SCN11A: variants seen among roughly 807,000 people sequenced by gnomAD.
SCN11A encodes the protein sodium channel protein type 11 subunit alpha.
SCN11A carries 122 observed loss-of-function variants against 162.2 expected under a neutral mutation model. The observed-to-expected ratio is 0.75, with a 90% CI of 0.65 to 0.87. SCN11A has a LOEUF of 0.87. SCN11A is among the 40% of genes least tolerant of loss of function. SCN11A has a pLI of 0.00. For synonymous variants in SCN11A, 758 were observed against 751.5 expected, an observed-to-expected ratio of 1.01 and a Z score of -0.14; for missense variants, 2,015 against 2,181.6, an observed-to-expected ratio of 0.92 and a Z score of 1.52.
At chr3:39,050,434 T>G (rs1330132148) in intron 1 of SCN11A, among the ~76,000 whole-genome samples, 1 of 152,240 alleles carries the variant, frequency 6.6e-6, no homozygotes. Flanking sequence ...ATATATGATA[T>G]GCTAAATAAT....
At chr3:38,989,454 C>G (rs1237953336) in intron 2 of SCN11A, among the ~76,000 whole-genome samples, 1 of 152,204 alleles carries the variant, frequency 6.6e-6, no homozygotes. Context: ...GCTGGAACAG[C>G]TAGGTACAAC....
chr3:38,996,414 A>C (rs1330780856), intron 2 of SCN11A, among the ~76,000 whole-genome samples: 1 of 152,166 alleles, frequency 6.6e-6, no homozygotes, highest in Non-Finnish European at 1.5e-5. Context: ...TCATAACATC[A>C]ACCATCATTT....
rs114173127 is a variant in SCN11A, at chr3:38,861,824, C to T, written c.4056+1371G>A. On this transcript the variant is annotated intron_variant, in intron 28 of 29. Coordinates refer to ENST00000302328, the MANE Select transcript of SCN11A (RefSeq NM_001349253.2). ...TCAAGAAAACTCTTCCAGATATTGG[C>T]TTAGGCAAAGAATTCATGACCAAGA... Among the ~76,000 whole-genome samples the T allele has an allele frequency of 6.6e-3, 997 of 152,212 alleles. 10 individuals carry two copies. Among genetic ancestry groups the T allele is most frequent in the African/African-American group, 0.022 (931 of 41,540 alleles).
At chr3:38,929,109 C>T (rs1159605410) in intron 7 of SCN11A, among the ~76,000 whole-genome samples, 1 of 138,524 alleles carries the variant, frequency 7.2e-6, no homozygotes, top group Non-Finnish European at 1.6e-5. Flanking sequence ...TATTCCCACA[C>T]TGTCAAAAAT....
chr3:38,972,549 G>T (rs879400149), intron 2 of SCN11A, among the ~76,000 whole-genome samples: 2 of 152,078 alleles, frequency 1.3e-5, no homozygotes, highest in African/African-American at 2.4e-5. Context: ...AACTTGGATT[G>T]TGACTCTTTT....
intron 23 of SCN11A, among the ~76,000 whole-genome samples, chr3:38,876,029 C>A (rs938860826): frequency 2.2e-4 from 34 of 152,050 alleles, no homozygotes; most frequent in Admixed American, 2.2e-3. Flanking sequence ...ACCAATTGAA[C>A]AGAATAAAGA....
rs148945365 is a variant in SCN11A at position 38,867,453 on chromosome 3, T to C, written c.3819A>G (p.Glu1273=). ...AATTGCTCTCAAACTCTGGCTGTTGTTCTTTCTGTTAGAAATTTTTTTAAT... is the reference window on the plus strand; with the variant it reads ...AATTGCTCTCAAACTCTGGCTGTTGCTCTTTCTGTTAGAAATTTTTTTAAT... The part of the protein sequence containing the change: ...IYAAVDSTEK[E]QQPEFESNSL... Residue 1273 remains glutamate (E), a synonymous_variant, in exon 27 of 30, where the codon GAA becomes GAG. Transcript: ENST00000302328. 9.4e-3 allele frequency: 15,023 copies of C among 1,591,266 alleles called. 96 individuals carry two copies. The highest frequency in any genetic ancestry group is 0.011 in the Non-Finnish European group (13,235 of 1,173,500).
chr3:38,904,702 C>T (rs1450051446), intron 15 of SCN11A, among the ~76,000 whole-genome samples: 2 of 152,102 alleles, frequency 1.3e-5, no homozygotes, highest in Non-Finnish European at 2.9e-5. Flanking sequence ...GAACACCAAC[C>T]CCTGGGGTGG....
intron 2 of SCN11A, among the ~76,000 whole-genome samples, chr3:39,027,215 TGGG>T (rs924217826): frequency 6.6e-6 from 1 of 152,160 alleles, no homozygotes; most frequent in Non-Finnish European, 1.5e-5. Context: ...TACCTTGGCA[TGGG>T]GGATTTTCCT....
chr3:38,950,414 G>C (rs1264012643), intron 4 of SCN11A, 45 bp from the exon 5 acceptor site: 2 of 1,596,958 alleles, frequency 1.3e-6, no homozygotes, highest in African/African-American at 2.7e-5. Context: ...GGCCTCAGGA[G>C]GCGGGAATAA....
intron 2 of SCN11A, among the ~76,000 whole-genome samples, chr3:39,012,564 T>C (rs12629534): frequency 0.099 from 14,713 of 149,244 alleles, 984 homozygotes; most frequent in East Asian, 0.22. Context: ...CACTGAAGGC[T>C]CCACCTCCCA....
intron 2 of SCN11A, among the ~76,000 whole-genome samples, chr3:38,969,624 C>T (rs77141500): frequency 0.013 from 1,939 of 152,294 alleles, 40 homozygotes; most frequent in African/African-American, 0.043. Flanking sequence ...TGTGATGCTC[C>T]CTGTGTTTGG....
At chr3:38,863,064 A>T in intron 28 of SCN11A, 131 bp downstream of exon 28, 1 of 620,116 alleles carries the variant, frequency 1.6e-6, no homozygotes. Flanking sequence ...GTGTTTGAAT[A>T]TGTCTTGACT....
At chr3:38,935,330 A>G (rs1425436696) in intron 7 of SCN11A, among the ~76,000 whole-genome samples, 1 of 152,174 alleles carries the variant, frequency 6.6e-6, no homozygotes, top group Non-Finnish European at 1.5e-5. Flanking sequence ...GAAAAGCAAG[A>G]GCAAACACAT....
chr3:39,016,640 G>T (rs983720619), intron 2 of SCN11A, among the ~76,000 whole-genome samples: 1 of 151,880 alleles, frequency 6.6e-6, no homozygotes, highest in African/African-American at 2.4e-5. Context: ...TCTTACTCTT[G>T]TCGCCAGGCT....
Position 38,897,153 on chromosome 3 carries a change from C to T in SCN11A, c.2095G>A (p.Gly699Arg), listed in dbSNP as rs145734191. The change falls in exon 18 of 30, where the codon GGA (glycine) becomes AGA (arginine). Residue 699 changes from glycine to arginine, a missense_variant. Gly to Arg is a moderately radical substitution (Grantham distance 125). Transcript: ENST00000302328. Reference sequence around the variant, plus strand: ...ACCACAGTCAGGCTTCCAAGGGCTCCGACAGAGTTGCCGATTATCTTAATT... The same window carrying T: ...ACCACAGTCAGGCTTCCAAGGGCTCTGACAGAGTTGCCGATTATCTTAATT... The part of the protein sequence containing the change: ...TLIKIIGNSV[G>R]ALGSLTVVLV... 384 of 1,613,898 alleles carry T rather than the reference C, an allele frequency of 2.4e-4. No homozygotes were observed. The highest frequency in any genetic ancestry group is 3.0e-4 in the Non-Finnish European group (352 of 1,179,988).
intron 22 of SCN11A, among the ~76,000 whole-genome samples, chr3:38,882,095 A>C (rs2065319110): frequency 6.6e-6 from 1 of 152,174 alleles, no homozygotes; most frequent in Non-Finnish European, 1.5e-5. Context: ...TAACAATAAA[A>C]ATTTATTAAG....
rs757197374 is a variant in SCN11A, at chr3:38,896,891, AATG to A, written c.2354_2356del (p.Ser785del). 6.8e-6 allele frequency: 11 copies of A among 1,612,464 alleles called. No homozygotes were observed. The highest frequency in any genetic ancestry group is 5.4e-5 in the African/African-American group (4 of 74,664). The stretch of plus-strand genomic sequence containing the variant: ...GATCAATATGAAGACAATAACACAC[AATG>A]ATGATGATGCATTCGCTTCTTGCAT... On this transcript the variant is annotated inframe_deletion, in exon 18 of 30. Transcript: ENST00000302328.
At chr3:39,029,825 T>A (rs1270016602) in intron 2 of SCN11A, among the ~76,000 whole-genome samples, 1 of 152,208 alleles carries the variant, frequency 6.6e-6, no homozygotes, top group Non-Finnish European at 1.5e-5. Context: ...GATTCCAGAT[T>A]CACAACCCTA....
Sources: allele counts gnomAD v4.1 joint callset (sites outside exome capture counted in the v4.1 genomes callset), GRCh38; gene constraint gnomAD v4.1.1; transcripts MANE v1.5; gene names NCBI Gene and HGNC (gene_info 2026-07-23, HGNC 2026-07-21).